Variants in EPHA4 observed in about 807,000 individuals in gnomAD.
EPHA4 encodes ephrin type-A receptor 4.
In EPHA4, 19 loss-of-function variants were observed where a neutral mutation model predicts 108.3. The ratio of observed to expected loss-of-function variants is 0.18; its 90% CI spans 0.12 to 0.26. The LOEUF is 0.26. Ranked by LOEUF, EPHA4 falls within the 10% of genes least tolerant of loss-of-function variation. The probability of loss-of-function intolerance (pLI) is 1.00; values close to 1 mark genes in which losing one functional copy is unlikely to be tolerated. For missense variants in EPHA4, 917 were observed against 1,254.0 expected, an observed-to-expected ratio of 0.73 and a Z score of 4.06; for synonymous variants, 449 against 455.5, an observed-to-expected ratio of 0.99 and a Z score of 0.18.
chr2:221,526,852 C>CAAAAA (rs528335766), intron 3 of EPHA4, among the ~76,000 whole-genome samples: 2 of 48,590 alleles, frequency 4.1e-5, no homozygotes, highest in African/African-American at 8.3e-5. Flanking sequence ...GACTCGGCCT[C>CAAAAA]AAAAAAAAAA....
chr2:221,572,286 C>T lies in EPHA4; in HGVS notation c.-38G>A. 2 of 1,548,806 alleles carry T rather than the reference C, an allele frequency of 1.3e-6. No individual in the cohort carries two copies. Among genetic ancestry groups the T allele is most frequent in the South Asian group, 2.2e-5 (2 of 89,692 alleles). On this transcript the variant is annotated 5_prime_UTR_variant, in exon 1 of 18. Coordinates refer to ENST00000281821, the MANE Select transcript of EPHA4 (RefSeq NM_004438.5). ...CCAACGCTGCTCCTGCCGCTTCTAT[C>T]CCAGTGGAATAAATGCTTAAGTTAG...
At chr2:221,529,571 C>T (rs1288980898) in intron 3 of EPHA4, among the ~76,000 whole-genome samples, 1 of 152,188 alleles carries the variant, frequency 6.6e-6, no homozygotes, top group Non-Finnish European at 1.5e-5. Flanking sequence ...TGACCTAATG[C>T]TTTGAGATCC....
At chr2:221,473,337 C>T (rs767434614) in intron 5 of EPHA4, among the ~76,000 whole-genome samples, 2 of 152,032 alleles carry the variant, frequency 1.3e-5, no homozygotes, top group Non-Finnish European at 2.9e-5. Flanking sequence ...CCCTAAAAAA[C>T]ATCCTCACCA....
At chr2:221,473,364 A>T (rs1691551092) in intron 5 of EPHA4, among the ~76,000 whole-genome samples, 1 of 152,096 alleles carries the variant, frequency 6.6e-6, no homozygotes, top group Non-Finnish European at 1.5e-5. Flanking sequence ...ACCTGAAGAA[A>T]ATATACAGGA....
At chr2:221,436,740 C>T in intron 12 of EPHA4, 132 bp from the exon 13 acceptor site, 2 of 976,712 alleles carry the variant, frequency 2.0e-6, no homozygotes, top group Non-Finnish European at 3.1e-6. Flanking sequence ...ATTTCCAGGC[C>T]TTTCTGACCA....
At chr2:221,432,747 G>A (rs545839929) in intron 14 of EPHA4, among the ~76,000 whole-genome samples, 8 of 149,794 alleles carry the variant, frequency 5.3e-5, no homozygotes, top group East Asian at 2.0e-4. Flanking sequence ...AGGTTCAAGC[G>A]ATTAGCCTAC....
chr2:221,554,913 A>G (rs921767402), intron 3 of EPHA4, among the ~76,000 whole-genome samples: 3 of 152,152 alleles, frequency 2.0e-5, no homozygotes, highest in African/African-American at 7.2e-5. Flanking sequence ...AAAGAATTGT[A>G]TCTTTTACTT....
intron 17 of EPHA4, among the ~76,000 whole-genome samples, chr2:221,421,294 T>G (rs191020338): frequency 0.019 from 2,828 of 150,300 alleles, 60 homozygotes; most frequent in Middle Eastern, 0.027. Context: ...AGCGAGACTC[T>G]GTCTCAAAAA....
Position 221,455,423 on chromosome 2 carries a change from A to T in EPHA4, c.1715+124T>A. Reference sequence around the variant, plus strand: ...GGAAGATCAAAGCAACAAGGAGGAAACTTGGGATGCAGATGCCAAGTTTAT... The same window carrying T: ...GGAAGATCAAAGCAACAAGGAGGAATCTTGGGATGCAGATGCCAAGTTTAT... On this transcript the variant is annotated intron_variant, in intron 8 of 17. Transcript: ENST00000281821. The T allele has an allele frequency of 5.6e-6, 4 of 716,016 alleles. No homozygotes were observed. The South Asian group carries it at 7.0e-5, about 13-fold the overall frequency. The allele number at this position is 716,016 out of a possible 1,614,324, so 44.4% of individuals were successfully genotyped here.
At chr2:221,566,063 T>G (rs1184207234) in intron 2 of EPHA4, among the ~76,000 whole-genome samples, 2 of 152,186 alleles carry the variant, frequency 1.3e-5, no homozygotes, top group Non-Finnish European at 2.9e-5. Context: ...CAATATACTC[T>G]TTTAAGTGAA....
chr2:221,510,930 A>C (rs1352293431), intron 3 of EPHA4, among the ~76,000 whole-genome samples: 2 of 152,168 alleles, frequency 1.3e-5, no homozygotes, highest in African/African-American at 4.8e-5. Flanking sequence ...CATAAACTCT[A>C]CTTAAAAACA....
In EPHA4 at chr2:221,442,839, C is replaced by T. The variant is rs1574566485; in HGVS notation, c.2064G>A (p.Val688=). 1.2e-6 allele frequency: 2 copies of T among 1,614,080 alleles called. No homozygotes were observed. The highest frequency in any genetic ancestry group is 4.5e-5 in the East Asian group (2 of 44,870). ...GGGTGACCCACGTACATTTAGTGAC[C>T]ACGCCTTCCAAGTGAATGATGTTCG... The part of the protein sequence containing the change: ...DHPNIIHLEG[V]VTKCKPVMII... Residue 688 remains valine (V), a synonymous_variant, in exon 11 of 18, where the codon GTG becomes GTA. Transcript: ENST00000281821.
intron 3 of EPHA4, among the ~76,000 whole-genome samples, chr2:221,541,192 AT>A (rs1200978763): frequency 1.3e-5 from 2 of 152,116 alleles, no homozygotes; most frequent in Non-Finnish European, 2.9e-5. Context: ...TTAAGCAATC[AT>A]CACATCTCAG....
intron 5 of EPHA4, among the ~76,000 whole-genome samples, chr2:221,474,239 G>A (rs538589475): frequency 6.7e-4 from 102 of 151,878 alleles, no homozygotes; most frequent in African/African-American, 2.0e-3. Flanking sequence ...CACCCACCCC[G>A]AATACAAATT....
Position 221,526,966 on chromosome 2 carries a change from C to CAA in EPHA4, c.824-25796_824-25795dup, listed in dbSNP as rs71050341. On this transcript the variant is annotated intron_variant, in intron 3 of 17. Coordinates refer to ENST00000281821, the MANE Select transcript of EPHA4 (RefSeq NM_004438.5). The stretch of plus-strand genomic sequence containing the variant: ...TCTACCCCCGTCTCTACTAAAAATA[C>CAA]AAAAAAAAAATTAAGCCGGGCGTGG... 1.5e-3 allele frequency among the ~76,000 whole-genome samples: 203 copies of CAA among 134,040 alleles called. 2 individuals are homozygous for CAA. Among genetic ancestry groups the CAA allele is most frequent in the African/African-American group, 1.2e-3 (46 of 37,596 alleles). The allele number at this position is 134,040 out of a possible 152,430, so 87.9% of individuals were successfully genotyped here.
At position 221,557,097 on chromosome 2, in the gene EPHA4, T is replaced by C. The variant is rs117595635; in HGVS notation, c.823+6634A>G. 4.9e-4 allele frequency among the ~76,000 whole-genome samples: 75 copies of C among 152,266 alleles called. 1 individual carries two copies. In the East Asian group the frequency reaches 0.014, roughly 28 times the overall value. ...TAGAAAAAAAAGGCAAATAACATCT[T>C]AGTGTTATTAAGAAAGTTTTGACCT... On this transcript the variant is annotated intron_variant, in intron 3 of 17. Transcript: ENST00000281821.
intron 4 of EPHA4, among the ~76,000 whole-genome samples, chr2:221,496,516 T>C (rs1435223751): frequency 6.6e-6 from 1 of 152,176 alleles, no homozygotes; most frequent in Non-Finnish European, 1.5e-5. Flanking sequence ...ATATCTATTA[T>C]CAGCAAAGTA....
chr2:221,485,863 C>T (rs1691959553), intron 4 of EPHA4, among the ~76,000 whole-genome samples: 1 of 152,004 alleles, frequency 6.6e-6, no homozygotes, highest in Non-Finnish European at 1.5e-5. Context: ...GTAGTTAATA[C>T]CGAACTGCAG....
At chr2:221,539,386 G>A (rs888584818) in intron 3 of EPHA4, among the ~76,000 whole-genome samples, 1 of 152,096 alleles carries the variant, frequency 6.6e-6, no homozygotes, top group Non-Finnish European at 1.5e-5. Context: ...TAACAAGTCC[G>A]ATAAGATGGC....
Sources: gnomAD v4.1 joint callset for allele counts (sites outside exome capture counted in the v4.1 genomes callset) on GRCh38, gnomAD v4.1.1 for gene constraint, MANE v1.5 for transcripts, NCBI Gene and HGNC (gene_info 2026-07-23, HGNC 2026-07-21) for gene names.